The following GYS2 variants were observed in gnomAD, a reference collection of about 807,000 sequenced individuals.
GYS2 encodes the protein glycogen [starch] synthase, liver.
A neutral mutation model predicts 85.6 loss-of-function variants in GYS2; 80 were observed. The ratio of observed to expected loss-of-function variants is 0.93; its 90% CI spans 0.78 to 1.13. The LOEUF (loss-of-function observed/expected upper bound fraction) is 1.13, where lower values mean the gene tolerates loss of function less well. Among genes scored for constraint, GYS2 ranks in the 50% most tolerant of loss-of-function variants. The pLI, the probability that GYS2 is intolerant of heterozygous loss-of-function variation, is 0.00. For synonymous variants in GYS2, 328 were observed against 300.7 expected (o/e 1.09, Z -0.94); for missense variants, 881 against 854.9 (o/e 1.03, Z -0.38).
In GYS2 at chr12:21,575,932, A is replaced by C. The variant is rs1436541854; in HGVS notation, c.429T>G (p.Pro143=). Residue 143 remains proline (P), a synonymous_variant, in exon 3 of 16, where the codon CCT becomes CCG. Transcript: ENST00000261195. ...DLWEACSVGI[P]YHDREANDML... ...TATCATTGGCTTCTCGGTCATGATAAGGAATGCCGACACTGCATGCTTCCC... is the reference window on the plus strand; with the variant it reads ...TATCATTGGCTTCTCGGTCATGATACGGAATGCCGACACTGCATGCTTCCC... The C allele has an allele frequency of 1.2e-6, 2 of 1,613,856 alleles. No individual in the cohort carries two copies. The highest frequency in any genetic ancestry group is 1.7e-6 in the Non-Finnish European group (2 of 1,179,860).
At chr12:21,577,210 AC>A (rs1944456429) in intron 2 of GYS2, among the ~76,000 whole-genome samples, 1 of 152,092 alleles carries the variant, frequency 6.6e-6, no homozygotes, top group Middle Eastern at 3.2e-3. Context: ...TGAGCCCCAA[AC>A]CACTTTTCAA....
chr12:21,561,221 T>A (rs932179964), intron 7 of GYS2, among the ~76,000 whole-genome samples: 6 of 152,224 alleles, frequency 3.9e-5, no homozygotes, highest in Non-Finnish European at 7.3e-5. Flanking sequence ...CTGAGTCCTA[T>A]AACAGGTTAG....
Position 21,552,889 on chromosome 12 carries a change from A to T in GYS2, c.1422+5311T>A, listed in dbSNP as rs867494837. On this transcript the variant is annotated intron_variant, in intron 11 of 15. Coordinates refer to ENST00000261195, the MANE Select transcript of GYS2 (RefSeq NM_021957.4). ...TATAAAACGTCTTACCAAATCCTGCAGGAGAAGATAAATCCGCTTTCTTCA... is the reference window on the plus strand; with the variant it reads ...TATAAAACGTCTTACCAAATCCTGCTGGAGAAGATAAATCCGCTTTCTTCA... Among the ~76,000 whole-genome samples the T allele has an allele frequency of 2.0e-5, 3 of 152,342 alleles. No individual in the cohort carries two copies. In the South Asian group the frequency reaches 6.2e-4, roughly 32 times the overall value.
chr12:21,580,409 T>G lies in GYS2; in HGVS notation c.236A>C (p.Glu79Ala). The change falls in exon 2 of 16, where the codon GAA becomes GCA. Residue 79 changes from glutamate (E) to alanine (A), a missense_variant. Glu to Ala is a moderately radical substitution (Grantham distance 107). Coordinates refer to ENST00000261195, the MANE Select transcript of GYS2 (RefSeq NM_021957.4). ...AGCATCATTTACAGGTTCACACTGT[T>G]CCACCTGAGTCTTCATATTATGCTC... is the stretch of plus-strand genomic sequence containing the variant. Reference protein sequence around the residue: ...YFEHNMKTQVEQCEPVNDAVR... With the variant: ...YFEHNMKTQVAQCEPVNDAVR... 1 of 1,613,594 alleles carries G rather than the reference T, an allele frequency of 6.2e-7. No homozygotes were observed. The highest frequency in any genetic ancestry group is 8.5e-7 in the Non-Finnish European group (1 of 1,179,526).
At chr12:21,603,980 G>A (rs752069567) in intron 1 of GYS2, among the ~76,000 whole-genome samples, 8 of 152,032 alleles carry the variant, frequency 5.3e-5, no homozygotes, top group Non-Finnish European at 7.4e-5. Flanking sequence ...TTTGCCTTTT[G>A]AGAAGCTCCT....
intron 11 of GYS2, among the ~76,000 whole-genome samples, chr12:21,547,734 G>A (rs1426494538): frequency 6.6e-6 from 1 of 152,128 alleles, no homozygotes; most frequent in Non-Finnish European, 1.5e-5. Flanking sequence ...AACACCAAGA[G>A]TGAATCCTAA....
intron 11 of GYS2, among the ~76,000 whole-genome samples, chr12:21,554,864 T>G (rs1944158895): frequency 2.0e-5 from 3 of 152,166 alleles, no homozygotes; most frequent in Admixed American, 2.0e-4. Context: ...GCAAAACACT[T>G]TTAAAACACG....
At chr12:21,567,015 G>A (rs1944328768) in intron 5 of GYS2, among the ~76,000 whole-genome samples, 1 of 152,152 alleles carries the variant, frequency 6.6e-6, no homozygotes, top group Non-Finnish European at 1.5e-5. Context: ...TGGAAAGAAA[G>A]TAGAATGTGC....
At chr12:21,568,794 T>C (rs1339803891) in intron 5 of GYS2, 71 bp downstream of exon 5, 2 of 1,384,406 alleles carry the variant, frequency 1.4e-6, no homozygotes, top group Non-Finnish European at 2.1e-6. Context: ...TACTTCACGA[T>C]GGAAAACAAA....
At chr12:21,546,562 A>G (rs1944042828) in intron 11 of GYS2, 92 bp from the exon 12 acceptor site, 1 of 741,554 alleles carries the variant, frequency 1.3e-6, no homozygotes, top group East Asian at 2.7e-5. Flanking sequence ...GTACTCTACT[A>G]TAGAATCCTT....
intron 11 of GYS2, among the ~76,000 whole-genome samples, chr12:21,556,700 T>C (rs1263646760): frequency 6.7e-6 from 1 of 150,160 alleles, no homozygotes; most frequent in Non-Finnish European, 1.5e-5. Context: ...AAAGACTTGT[T>C]TTGATTTTTA....
At chr12:21,535,460 A>G (rs1943902211), downstream of GYS2, among the ~76,000 whole-genome samples, 1 of 152,208 alleles carries the variant, frequency 6.6e-6, no homozygotes, top group South Asian at 2.1e-4. Flanking sequence ...TGCTCGGTTA[A>G]TTGGCATCCA....
chr12:21,580,237 T>A (rs1410226260), intron 2 of GYS2, 105 bp downstream of exon 2: 5 of 1,045,496 alleles, frequency 4.8e-6, no homozygotes, highest in Non-Finnish European at 7.4e-6. Context: ...CCTGAAAGTT[T>A]TCCTTAAGTA....
At chr12:21,581,144 C>A (rs1438648394) in intron 1 of GYS2, among the ~76,000 whole-genome samples, 1 of 152,188 alleles carries the variant, frequency 6.6e-6, no homozygotes, top group Admixed American at 6.5e-5. Context: ...AACACAAATA[C>A]GTATTTCATT....
At chr12:21,579,655 C>T (rs1381671269) in intron 2 of GYS2, among the ~76,000 whole-genome samples, 1 of 152,110 alleles carries the variant, frequency 6.6e-6, no homozygotes, top group African/African-American at 2.4e-5. Flanking sequence ...GCCACCATGC[C>T]TGGCCGCTTT....
intron 12 of GYS2, among the ~76,000 whole-genome samples, chr12:21,542,972 C>A (rs1340294269): frequency 6.6e-6 from 1 of 152,118 alleles, no homozygotes; most frequent in Non-Finnish European, 1.5e-5. Flanking sequence ...TTCTTTCTAG[C>A]CTGTGTTTCT....
intron 13 of GYS2, among the ~76,000 whole-genome samples, chr12:21,541,167 T>C (rs1943968576): frequency 2.1e-5 from 3 of 141,688 alleles, no homozygotes; most frequent in African/African-American, 5.2e-5. Flanking sequence ...ACTCGGGAGG[T>C]TGGGGCAGGA....
At chr12:21,538,255 G>T (rs574183649) in intron 15 of GYS2, among the ~76,000 whole-genome samples, 13 of 152,192 alleles carry the variant, frequency 8.5e-5, no homozygotes, top group South Asian at 6.2e-4. Flanking sequence ...CTTTTTTACG[G>T]GCAAATTTTA....
intron 11 of GYS2, among the ~76,000 whole-genome samples, chr12:21,557,751 T>G: frequency 6.6e-6 from 1 of 151,878 alleles, no homozygotes; most frequent in Non-Finnish European, 1.5e-5. Flanking sequence ...TACAAAAAAT[T>G]AGCCGGGCAT....
Sources: allele counts gnomAD v4.1 joint callset (sites outside exome capture counted in the v4.1 genomes callset), GRCh38; gene constraint gnomAD v4.1.1; transcripts MANE v1.5; gene names NCBI Gene and HGNC (gene_info 2026-07-23, HGNC 2026-07-21).